The following SNX27 variants were observed in gnomAD, a reference collection of about 807,000 sequenced individuals.
The protein encoded by SNX27 is sorting nexin 27, also known as sorting nexin-27.
Under a neutral mutation model 71.6 loss-of-function variants are expected in SNX27, and 22 were observed. That is an observed-to-expected ratio of 0.31 (90% CI 0.22 to 0.44). The LOEUF (loss-of-function observed/expected upper bound fraction) is 0.44. Ranked by LOEUF, SNX27 falls within the 20% of genes least tolerant of loss-of-function variation. The probability of loss-of-function intolerance (pLI) is 1.00; values close to 1 mark genes in which losing one functional copy is unlikely to be tolerated. For synonymous variants in SNX27, 269 were observed against 277.2 expected (o/e 0.97, Z 0.29); for missense variants, 531 against 698.6 (o/e 0.76, Z 2.70).
At chr1:151,641,555 G>T (rs141156409) in intron 2 of SNX27, among the ~76,000 whole-genome samples, 2,795 of 135,792 alleles carry the variant, frequency 0.021, 94 homozygotes, top group African/African-American at 0.071. Context: ...TTATTTTATT[G>T]TAGGGGTTCT....
chr1:151,691,704 CG>C lies in SNX27; in HGVS notation c.1240-727del, dbSNP rs769787002. ...GTCATGCCACTGCACTCCATCGAGA[CG>C]GGGTTTCACTGTGTTAGCCAGGATG... is the stretch of plus-strand genomic sequence containing the variant. On this transcript the variant is annotated intron_variant, in intron 8 of 11. Transcript: ENST00000458013. Among the ~76,000 whole-genome samples, 8 of 151,872 alleles carry C rather than the reference CG, an allele frequency of 5.3e-5. No homozygotes were observed. In the South Asian group the frequency reaches 1.7e-3, roughly 32 times the overall value.
chr1:151,644,388 G>T (rs957374112), intron 2 of SNX27, among the ~76,000 whole-genome samples: 1 of 151,966 alleles, frequency 6.6e-6, no homozygotes, highest in African/African-American at 2.4e-5. Context: ...TGGAATCATG[G>T]TTTTTTTTGT....
rs187769147 is a variant in SNX27 at position 151,645,622 on chromosome 1, A to G, written c.543+6503A>G. 9.6e-4 allele frequency among the ~76,000 whole-genome samples: 146 copies of G among 152,324 alleles called. 2 individuals are homozygous for G. Among genetic ancestry groups the G allele is most frequent in the Admixed American group, 8.5e-4 (13 of 15,304 alleles). Reference sequence around the variant, plus strand: ...GTGGTGTTTATTCTTAGAATTAAGGATCACCTTCTCTGGTTTTCTCTTGTC... The same window carrying G: ...GTGGTGTTTATTCTTAGAATTAAGGGTCACCTTCTCTGGTTTTCTCTTGTC... On this transcript the variant is annotated intron_variant, in intron 2 of 11. Transcript: ENST00000458013.
Position 151,612,242 on chromosome 1 carries a change from C to T in SNX27, c.41C>T (p.Pro14Leu), listed in dbSNP as rs965328686. 16 of 1,431,952 alleles carry T rather than the reference C, an allele frequency of 1.1e-5. No homozygotes were observed. Among genetic ancestry groups the T allele is most frequent in the South Asian group, 5.9e-5 (4 of 68,150 alleles). 88.7% of individuals were successfully genotyped at this position (1,431,952 alleles called of 1,614,324 possible). A position where few individuals can be genotyped will look rare whatever the true frequency, so the allele number is the denominator to read the frequency against. The change falls in exon 1 of 12, where the codon CCT (proline) becomes CTT (leucine). Residue 14 changes from proline to leucine, a missense_variant. This residue lies in a region of SNX27 where 130 missense variants were observed against 143.5 expected (regional missense o/e 0.91). Transcript: ENST00000458013. This position sits in a 1 kb window ranked among gnomAD's most constrained non-coding sequence, Gnocchi z 5.2. Reference sequence around the variant, plus strand: ...GGGGAAGGGATTCATCCCTCAGCCCCTCACAGGAACGGAGGTGGCGGCGGC... The same window carrying T: ...GGGGAAGGGATTCATCCCTCAGCCCTTCACAGGAACGGAGGTGGCGGCGGC... ...EDGEGIHPSAPHRNGGGGGGG... is the reference protein window; with the variant it reads ...EDGEGIHPSALHRNGGGGGGG...
chr1:151,692,119 G>T (rs1372173993), intron 8 of SNX27, among the ~76,000 whole-genome samples: 1 of 152,126 alleles, frequency 6.6e-6, no homozygotes, highest in African/African-American at 2.4e-5. Flanking sequence ...AGGATCACTG[G>T]AGGCTAAGGT....
intron 2 of SNX27, among the ~76,000 whole-genome samples, chr1:151,657,869 C>T (rs906246882): frequency 3.9e-5 from 6 of 151,986 alleles, no homozygotes; most frequent in African/African-American, 7.3e-5. Context: ...GGTATGGTGG[C>T]GGATGCCTGT....
At chr1:151,617,444 A>G (rs1334051787) in intron 1 of SNX27, among the ~76,000 whole-genome samples, 7 of 151,938 alleles carry the variant, frequency 4.6e-5, no homozygotes, top group African/African-American at 1.5e-4. Flanking sequence ...ACGCCCATCT[A>G]ATTTTTGTAT....
intron 1 of SNX27, among the ~76,000 whole-genome samples, chr1:151,636,121 T>G (rs1317810627): frequency 2.6e-5 from 4 of 152,158 alleles, no homozygotes; most frequent in Non-Finnish European, 5.9e-5. Context: ...CATACAAATT[T>G]TGTAGATCCA....
intron 7 of SNX27, among the ~76,000 whole-genome samples, chr1:151,675,509 T>C (rs1254187809): frequency 2.0e-5 from 3 of 152,030 alleles, no homozygotes; most frequent in Non-Finnish European, 4.4e-5. Context: ...ATGTAGTATA[T>C]GTTGTTTAGT....
chr1:151,643,268 A>T (rs949868311), intron 2 of SNX27, among the ~76,000 whole-genome samples: 11 of 28,262 alleles, frequency 3.9e-4, no homozygotes, highest in South Asian at 8.5e-4. Context: ...CTGGCCTTTT[A>T]TTTATTTATT....
intron 1 of SNX27, among the ~76,000 whole-genome samples, chr1:151,638,157 A>G (rs1158093112): frequency 1.3e-5 from 2 of 152,248 alleles, no homozygotes; most frequent in Non-Finnish European, 2.9e-5. Context: ...GGCTGACCAT[A>G]TAATTATAGG....
chr1:151,677,706 C>CT (rs1054548526), intron 7 of SNX27: 33 of 151,640 alleles, frequency 2.2e-4, no homozygotes, highest in East Asian at 7.7e-4. Flanking sequence ...CACCTGGCTG[C>CT]TTTTTTTTAA....
chr1:151,694,501 AAAAAG>A lies in SNX27; in HGVS notation c.*87_*91del, dbSNP rs1671614498. The A allele has an allele frequency of 1.5e-6, 2 of 1,359,048 alleles. No individual in the cohort carries two copies. Among genetic ancestry groups the A allele is most frequent in the Admixed American group, 2.7e-5 (1 of 36,376 alleles). The allele number at this position is 1,359,048 out of a possible 1,614,324, so 84.2% of individuals were successfully genotyped here. A position where few individuals can be genotyped will look rare whatever the true frequency, so the allele number is the denominator to read the frequency against. On this transcript the variant is annotated 3_prime_UTR_variant, in exon 12 of 12. Coordinates refer to ENST00000458013, the MANE Select transcript of SNX27 (RefSeq NM_001330723.2). ...ATTTCAGACAGAGTAACCATTAACA[AAAAAG>A]AAGAGAAAAAGTTAAAGTCGTTATA...
chr1:151,649,701 G>C (rs935646378), intron 2 of SNX27, among the ~76,000 whole-genome samples: 8 of 151,970 alleles, frequency 5.3e-5, no homozygotes, highest in African/African-American at 1.9e-4. Context: ...TACCTTCAAA[G>C]TTTACTCTCT....
rs1352094418 is a variant in SNX27 at position 151,668,464 on chromosome 1, T to C, written c.986-8T>C. 6.2e-7 allele frequency: 1 copy of C among 1,605,186 alleles called. No individual in the cohort carries two copies. Among genetic ancestry groups the C allele is most frequent in the Non-Finnish European group, 8.5e-7 (1 of 1,177,124 alleles). ...ACTCCAGCTTTCTGTGTTTTGTCTTTCCTTTAGTACGTAAATTGGCACCTA... is the reference window on the plus strand; with the variant it reads ...ACTCCAGCTTTCTGTGTTTTGTCTTCCCTTTAGTACGTAAATTGGCACCTA... On this transcript the variant is annotated splice_polypyrimidine_tract_variant and splice_region_variant and intron_variant, in intron 6 of 11. Transcript: ENST00000458013.
chr1:151,670,252 C>G (rs893255383), intron 7 of SNX27, among the ~76,000 whole-genome samples: 4 of 152,158 alleles, frequency 2.6e-5, no homozygotes, highest in Admixed American at 2.6e-4. Flanking sequence ...CTGAATAGTA[C>G]TCCATTGTGT....
At chr1:151,644,553 A>G (rs1668944979) in intron 2 of SNX27, among the ~76,000 whole-genome samples, 1 of 152,104 alleles carries the variant, frequency 6.6e-6, no homozygotes, top group African/African-American at 2.4e-5. Flanking sequence ...ACTTTTGACT[A>G]TTATGAATAA....
chr1:151,690,111 A>AGT (rs1671367983), intron 8 of SNX27, among the ~76,000 whole-genome samples: 1 of 152,212 alleles, frequency 6.6e-6, no homozygotes, highest in Non-Finnish European at 1.5e-5. Context: ...GGCCTCCCAA[A>AGT]GTGCTGGGAT....
chr1:151,646,247 A>G (rs1669028087), intron 2 of SNX27, among the ~76,000 whole-genome samples: 1 of 152,060 alleles, frequency 6.6e-6, no homozygotes. Flanking sequence ...TTATACATTT[A>G]TAATTAAACT....
Sources: gnomAD v4.1 joint callset for allele counts (sites outside exome capture counted in the v4.1 genomes callset) on GRCh38, gnomAD v4.1.1 for gene constraint, gnomAD v4.1.1 regional missense constraint, Gnocchi (gnomAD v3.1) non-coding constraint, MANE v1.5 for transcripts, NCBI Gene and HGNC (gene_info 2026-07-23, HGNC 2026-07-21) for gene names.